ZBBX: variants seen among roughly 807,000 people sequenced by gnomAD.
ZBBX encodes the protein zinc finger B-box domain containing.
ZBBX carries 101 observed loss-of-function variants against 108.5 expected under a neutral mutation model. That is an observed-to-expected ratio of 0.93 (90% CI 0.79 to 1.10). The LOEUF is 1.10. Among genes scored for constraint, ZBBX ranks in the 50% least tolerant of loss-of-function variants. The pLI is 0.00. For synonymous variants in ZBBX, 356 were observed against 323.4 expected (o/e 1.10, Z -1.08); for missense variants, 1,009 against 941.4 (o/e 1.07, Z -0.94).
At chr3:167,287,803 C>CA (rs1729956901) in intron 19 of ZBBX, among the ~76,000 whole-genome samples, 1 of 151,640 alleles carries the variant, frequency 6.6e-6, no homozygotes, top group Admixed American at 6.6e-5. Context: ...AGTATAGAGC[C>CA]AAAAAAATCA....
At position 167,305,635 on chromosome 3, in the gene ZBBX, A is replaced by G; in HGVS notation, c.1725+8T>C. ...AATTTTAATATAATAAACATAATAGAGATTTACCAGTGATGACTTTGTAGT... is the reference window on the plus strand; with the variant it reads ...AATTTTAATATAATAAACATAATAGGGATTTACCAGTGATGACTTTGTAGT... On this transcript the variant is annotated splice_region_variant and intron_variant, in intron 17 of 21. Transcript: ENST00000675490. The G allele has an allele frequency of 6.6e-7, 1 of 1,517,896 alleles. No homozygotes were observed. Among genetic ancestry groups the G allele is most frequent in the Non-Finnish European group, 8.8e-7 (1 of 1,137,164 alleles). The allele number at this position is 1,517,896 out of a possible 1,614,324, so 94.0% of individuals were successfully genotyped here.
intron 11 of ZBBX, among the ~76,000 whole-genome samples, chr3:167,324,322 T>G (rs1736992923): frequency 6.6e-6 from 1 of 152,022 alleles, no homozygotes; most frequent in African/African-American, 2.4e-5. Context: ...TCTTTAAATT[T>G]TGTGTAGAGA....
At chr3:167,249,278 G>A (rs1192414115) in intron 20 of ZBBX, among the ~76,000 whole-genome samples, 1 of 152,220 alleles carries the variant, frequency 6.6e-6, no homozygotes, top group African/African-American at 2.4e-5. Context: ...CCCCATAAGT[G>A]TAGGCTTTCT....
intron 1 of ZBBX, among the ~76,000 whole-genome samples, chr3:167,393,108 C>A (rs1322912083): frequency 6.6e-6 from 1 of 151,686 alleles, no homozygotes; most frequent in African/African-American, 2.4e-5. Flanking sequence ...CCCCCTTTTG[C>A]CCCTCTTTCC....
chr3:167,259,967 T>C (rs1013256959), intron 20 of ZBBX, among the ~76,000 whole-genome samples: 1 of 152,186 alleles, frequency 6.6e-6, no homozygotes, highest in Non-Finnish European at 1.5e-5. Context: ...TTTTGATGTG[T>C]TTCTAGGGTT....
In ZBBX at chr3:167,282,012, G is replaced by A. The variant is rs148427231; in HGVS notation, c.2254+226C>T. On this transcript the variant is annotated intron_variant, in intron 20 of 21. Transcript: ENST00000675490. ...TTCCACAATTTAGCTGTGTTTTATA[G>A]GCTATGGGGTCCATCTTTGGTGTGG... 1.0e-3 allele frequency among the ~76,000 whole-genome samples: 158 copies of A among 152,264 alleles called. 1 individual carries two copies. The highest frequency in any genetic ancestry group is 3.8e-3 in the African/African-American group (156 of 41,550).
intron 20 of ZBBX, among the ~76,000 whole-genome samples, chr3:167,276,724 G>C (rs1303693969): frequency 1.3e-5 from 2 of 152,126 alleles, no homozygotes; most frequent in Non-Finnish European, 2.9e-5. Context: ...CCAACATTCA[G>C]ATTCAGGAAA....
At chr3:167,260,793 T>C (rs1184497209) in intron 20 of ZBBX, among the ~76,000 whole-genome samples, 1 of 152,266 alleles carries the variant, frequency 6.6e-6, no homozygotes, top group Non-Finnish European at 1.5e-5. Context: ...CCTCCCTGAT[T>C]AGCTTAATAA....
At chr3:167,405,523 C>T (rs1434891845) in intron 1 of ZBBX, among the ~76,000 whole-genome samples, 1 of 152,126 alleles carries the variant, frequency 6.6e-6, no homozygotes, top group Admixed American at 6.5e-5. Context: ...AAAGTTACTC[C>T]TGACTCCAGT....
intron 17 of ZBBX, among the ~76,000 whole-genome samples, chr3:167,305,377 C>T (rs756124122): frequency 2.3e-4 from 35 of 152,176 alleles, no homozygotes; most frequent in Middle Eastern, 3.4e-3. Context: ...TTTCCATGCT[C>T]TTACTATGCT....
rs1474589957 is a variant in ZBBX, at chr3:167,373,772, T to A, written c.-116A>T. On this transcript the variant is annotated 5_prime_UTR_variant, in exon 3 of 22. Transcript: ENST00000675490. ...TTGAGCAGGCTGAGGAAGACGAAGA[T>A]GAAGAGGAGTTGGTCCTGTCTCAGG... The A allele has an allele frequency of 6.6e-6, 1 of 152,072 alleles. No individual in the cohort carries two copies. Among genetic ancestry groups the A allele is most frequent in the Non-Finnish European group, 1.5e-5 (1 of 68,030 alleles). 9.4% of individuals were successfully genotyped at this position (152,072 alleles called of 1,614,324 possible).
At chr3:167,310,908 A>G (rs1262995734) in intron 16 of ZBBX, among the ~76,000 whole-genome samples, 1 of 152,208 alleles carries the variant, frequency 6.6e-6, no homozygotes, top group Non-Finnish European at 1.5e-5. Context: ...TATTGTTAAG[A>G]TATTTTTTCC....
chr3:167,315,250 A>C (rs527330644), intron 15 of ZBBX, among the ~76,000 whole-genome samples: 102 of 152,194 alleles, frequency 6.7e-4, no homozygotes, highest in Non-Finnish European at 1.2e-3. Flanking sequence ...TCTACAACGC[A>C]ATTACAAAGT....
chr3:167,213,853 C>A, the ZBBX span, among the ~76,000 whole-genome samples: 1 of 151,976 alleles, frequency 6.6e-6, no homozygotes, highest in Non-Finnish European at 1.5e-5. Context: ...ACCTTATAAG[C>A]CAGAAGAGAC....
At chr3:167,381,472 T>G (rs1412737890), upstream of ZBBX, 1 of 152,116 alleles carries the variant, frequency 6.6e-6, no homozygotes, top group East Asian at 1.9e-4. Context: ...CCATATTGAG[T>G]GCTTAATAAA....
chr3:167,380,884 A>T (rs955561444), upstream of ZBBX, among the ~76,000 whole-genome samples: 7 of 151,718 alleles, frequency 4.6e-5, no homozygotes, highest in South Asian at 4.2e-4. Context: ...ACACACACAC[A>T]CACACACACA....
At chr3:167,307,721 C>T (rs1560102403) in intron 16 of ZBBX, among the ~76,000 whole-genome samples, 2 of 152,104 alleles carry the variant, frequency 1.3e-5, no homozygotes, top group African/African-American at 4.8e-5. Context: ...GGAAAGGATT[C>T]CCTATTCAAA....
At chr3:167,312,305 C>A (rs889475252) in intron 16 of ZBBX, among the ~76,000 whole-genome samples, 1 of 152,076 alleles carries the variant, frequency 6.6e-6, no homozygotes, top group Non-Finnish European at 1.5e-5. Flanking sequence ...AGGTGGGGCA[C>A]AGAGAATTTT....
the ZBBX span, among the ~76,000 whole-genome samples, chr3:167,231,298 A>T: frequency 6.6e-6 from 1 of 151,848 alleles, no homozygotes; most frequent in South Asian, 2.1e-4. Flanking sequence ...GCTGTAAAAA[A>T]GGAGAAGAAA....
Sources: allele counts gnomAD v4.1 joint callset (sites outside exome capture counted in the v4.1 genomes callset), GRCh38; gene constraint gnomAD v4.1.1; transcripts MANE v1.5; gene names NCBI Gene and HGNC (gene_info 2026-07-23, HGNC 2026-07-21).